OR51B5: variants seen among roughly 807,000 people sequenced by gnomAD.
OR51B5 encodes the protein olfactory receptor family 51 subfamily B member 5.
For synonymous variants in OR51B5, 186 were observed against 144.8 expected (o/e 1.28, Z -2.04); for missense variants, 456 against 374.6 (o/e 1.22, Z -1.79).
At chr11:5,468,355 C>T (rs749228989) in intron 1 of OR51B5, 15 of 211,692 alleles carry the variant, frequency 7.1e-5, no homozygotes, top group East Asian at 1.5e-4. Context: ...ACCCATATAA[C>T]TTCTGGCAGG....
chr11:5,489,011 C>T lies in OR51B5; in HGVS notation n.84+16558G>A, dbSNP rs373389868. ...GAGATTTCCTTTGGTGGATGCCTGG[C>T]CCAGATGTTTTGTGTCCATTCTATC... On this transcript the variant is annotated intron_variant and non_coding_transcript_variant, in intron 1 of 4. Transcript: ENST00000415970. The T allele has an allele frequency of 5.0e-6, 8 of 1,613,944 alleles. No individual in the cohort carries two copies. The Admixed American group carries it at 8.3e-5, about 17-fold the overall frequency.
At chr11:5,492,148 C>T (rs1340546272) in intron 1 of OR51B5, among the ~76,000 whole-genome samples, 2 of 152,030 alleles carry the variant, frequency 1.3e-5, no homozygotes, top group Non-Finnish European at 2.9e-5. Flanking sequence ...GAAGAACTAC[C>T]CTGCCAAGTT....
intron 1 of OR51B5, among the ~76,000 whole-genome samples, chr11:5,408,043 A>T (rs1850085982): frequency 6.6e-6 from 1 of 152,106 alleles, no homozygotes; most frequent in African/African-American, 2.4e-5. Context: ...AGGGCTTATG[A>T]TACCTTTTTC....
At chr11:5,420,322 G>C (rs997166482) in intron 1 of OR51B5, among the ~76,000 whole-genome samples, 9 of 151,906 alleles carry the variant, frequency 5.9e-5, no homozygotes, top group Non-Finnish European at 1.0e-4. Context: ...AAATTTCTCT[G>C]TTATTTTGAA....
chr11:5,384,993 C>T (rs916338996), intron 1 of OR51B5, among the ~76,000 whole-genome samples: 1 of 152,138 alleles, frequency 6.6e-6, no homozygotes, highest in African/African-American at 2.4e-5. Flanking sequence ...CAGTATCCTC[C>T]ACCAATGTAG....
At chr11:5,343,065 C>T (rs12273630) in exon 1 of OR51B5, 93,734 of 1,612,778 alleles carry the variant, frequency 0.058, 5,054 homozygotes, top group African/African-American at 0.29. Context: ...GGGGGAACAA[C>T]GGATACAAAT....
chr11:5,402,306 C>T (rs1248630603), intron 1 of OR51B5, among the ~76,000 whole-genome samples: 2 of 152,192 alleles, frequency 1.3e-5, no homozygotes, highest in Non-Finnish European at 2.9e-5. Context: ...TGAGCCACTG[C>T]ACCTGATCAG....
intron 1 of OR51B5, among the ~76,000 whole-genome samples, chr11:5,428,251 G>A (rs1323803575): frequency 6.6e-6 from 1 of 151,410 alleles, no homozygotes; most frequent in Non-Finnish European, 1.5e-5. Context: ...GTTCCAGACT[G>A]CCACAATAAA....
chr11:5,408,591 G>A lies in OR51B5; in HGVS notation n.85-61681C>T, dbSNP rs115677724. The stretch of plus-strand genomic sequence containing the variant: ...GACTGGTCTGGCACTCACAGCTAAA[G>A]TTTGGTGTTCTTTTGTTAAATATAA... On this transcript the variant is annotated intron_variant and non_coding_transcript_variant, in intron 1 of 4. Transcript: ENST00000415970. Among the ~76,000 whole-genome samples the A allele has an allele frequency of 8.2e-3, 1,251 of 152,206 alleles. 20 individuals carry two copies. The highest frequency in any genetic ancestry group is 0.029 in the African/African-American group (1,198 of 41,554).
At chr11:5,399,327 G>A (rs1016835780) in intron 1 of OR51B5, among the ~76,000 whole-genome samples, 1 of 152,168 alleles carries the variant, frequency 6.6e-6, no homozygotes, top group Non-Finnish European at 1.5e-5. Context: ...AGCTGACTGT[G>A]ATTGACTCCT....
intron 1 of OR51B5, among the ~76,000 whole-genome samples, chr11:5,445,455 C>A (rs887001836): frequency 1.3e-5 from 2 of 151,958 alleles, no homozygotes; most frequent in African/African-American, 2.4e-5. Context: ...CTATATGGAA[C>A]CTAAAAATTA....
At chr11:5,504,794 GAC>G (rs1846349372) in intron 1 of OR51B5, among the ~76,000 whole-genome samples, 1 of 152,184 alleles carries the variant, frequency 6.6e-6, no homozygotes, top group Non-Finnish European at 1.5e-5. Context: ...CTAGGTAGAA[GAC>G]AGTGACCCTC....
chr11:5,364,059 G>A (rs905279669), intron 1 of OR51B5, among the ~76,000 whole-genome samples: 1 of 152,098 alleles, frequency 6.6e-6, no homozygotes, highest in African/African-American at 2.4e-5. Flanking sequence ...TCTGAGCCAG[G>A]TACTATCTCA....
chr11:5,492,290 C>CA (rs1271968795), intron 1 of OR51B5, among the ~76,000 whole-genome samples: 13 of 151,754 alleles, frequency 8.6e-5, no homozygotes, highest in Non-Finnish European at 8.8e-5. Context: ...TTCAAAAAAA[C>CA]AAAAAATAAA....
intron 1 of OR51B5, among the ~76,000 whole-genome samples, chr11:5,415,102 G>C (rs991361207): frequency 1.1e-4 from 16 of 152,166 alleles, no homozygotes; most frequent in African/African-American, 3.1e-4. Flanking sequence ...AATCAAACTA[G>C]AACTCAGCAT....
At chr11:5,419,515 G>A (rs944510937) in intron 1 of OR51B5, among the ~76,000 whole-genome samples, 1 of 152,078 alleles carries the variant, frequency 6.6e-6, no homozygotes, top group African/African-American at 2.4e-5. Flanking sequence ...AAACAATATA[G>A]AATATCAATT....
At position 5,362,692 on chromosome 11, in the gene OR51B5, G is replaced by A. The variant is rs897398884; in HGVS notation, n.85-15782C>T. ...TCCCCCATCTGATTGTAGAGCTTTT[G>A]GCCATCGACATGTTCTTCACCACCT... is the stretch of plus-strand genomic sequence containing the variant. On this transcript the variant is annotated intron_variant and non_coding_transcript_variant, in intron 1 of 4. Coordinates refer to the OR51B5 transcript ENST00000415970. 5.5e-5 allele frequency: 12 copies of A among 218,216 alleles called. No individual in the cohort carries two copies. The Admixed American group carries it at 6.5e-4, about 12-fold the overall frequency. The allele number at this position is 218,216 out of a possible 1,614,324, so 13.5% of individuals were successfully genotyped here.
intron 1 of OR51B5, among the ~76,000 whole-genome samples, chr11:5,400,877 T>C (rs1160626130): frequency 6.6e-6 from 1 of 152,192 alleles, no homozygotes; most frequent in South Asian, 2.1e-4. Context: ...GAGGTCCCTG[T>C]TGATGCGTAA....
At chr11:5,454,731 A>G (rs1850925685) in intron 1 of OR51B5, 1 of 196,160 alleles carries the variant, frequency 5.1e-6, no homozygotes, top group Non-Finnish European at 1.0e-5. Context: ...CTAATATAAT[A>G]ATTAACAAAC....
Sources: gnomAD v4.1 joint callset for allele counts (sites outside exome capture counted in the v4.1 genomes callset) on GRCh38, gnomAD v4.1.1 for gene constraint, MANE v1.5 for transcripts, NCBI Gene and HGNC (gene_info 2026-07-23, HGNC 2026-07-21) for gene names.